NBAS: variants seen among roughly 807,000 people sequenced by gnomAD.
The protein encoded by NBAS is NAG/BC035112 fusion.
NBAS carries 219 observed loss-of-function variants against 302.5 expected under a neutral mutation model. That is an observed-to-expected ratio of 0.72 (90% confidence interval 0.65 to 0.81). NBAS has a LOEUF of 0.81. NBAS is among the 30% of genes least tolerant of loss of function. The pLI is 0.00. For synonymous variants in NBAS, 1,118 were observed against 1,021.6 expected (o/e 1.09, Z -1.80); for missense variants, 2,932 against 2,841.6 (o/e 1.03, Z -0.72).
chr2:15,467,509 G>C, intron 18 of NBAS, 102 bp from the exon 19 acceptor site: 1 of 1,308,926 alleles, frequency 7.6e-7, no homozygotes, highest in Non-Finnish European at 1.1e-6. Context: ...CAAAACTCAT[G>C]AAACAGTTCA....
At chr2:14,911,350 G>C in the NBAS span, among the ~76,000 whole-genome samples, 3 of 152,198 alleles carry the variant, frequency 2.0e-5, no homozygotes, top group Non-Finnish European at 4.4e-5. Flanking sequence ...TCCCCTATGA[G>C]ACTGGAGAGT....
chr2:14,988,444 A>C, the NBAS span, among the ~76,000 whole-genome samples: 1 of 152,228 alleles, frequency 6.6e-6, no homozygotes, highest in South Asian at 2.1e-4. Flanking sequence ...TCTACTTTTC[A>C]AAATGGTTTA....
At chr2:15,214,278 A>G (rs1666554168) in intron 48 of NBAS, among the ~76,000 whole-genome samples, 1 of 151,428 alleles carries the variant, frequency 6.6e-6, no homozygotes, top group African/African-American at 2.4e-5. Flanking sequence ...ATGGAAGAAG[A>G]AAGAGTTCAT....
chr2:14,792,676 A>T, the NBAS span, among the ~76,000 whole-genome samples: 48 of 130,620 alleles, frequency 3.7e-4, no homozygotes, highest in African/African-American at 1.2e-3. Flanking sequence ...TATGGAAATT[A>T]AAAAAAAAAA....
At chr2:15,442,907 A>C (rs1240626048) in intron 21 of NBAS, among the ~76,000 whole-genome samples, 2 of 152,198 alleles carry the variant, frequency 1.3e-5, no homozygotes, top group South Asian at 4.1e-4. Context: ...ATCTAGAAGA[A>C]ATGGATAAAT....
At chr2:14,988,997 T>TA in the NBAS span, among the ~76,000 whole-genome samples, 1 of 152,066 alleles carries the variant, frequency 6.6e-6, no homozygotes, top group Non-Finnish European at 1.5e-5. Flanking sequence ...AACAATCAAG[T>TA]AAAATCAGAA....
chr2:14,790,005 C>T, the NBAS span, among the ~76,000 whole-genome samples: 1 of 152,184 alleles, frequency 6.6e-6, no homozygotes, highest in Non-Finnish European at 1.5e-5. Context: ...ATTTATTGAG[C>T]TATTACTATT....
intron 26 of NBAS, among the ~76,000 whole-genome samples, 178 bp downstream of exon 26, chr2:15,401,990 T>C (rs1004322712): frequency 6.6e-6 from 1 of 152,120 alleles, no homozygotes; most frequent in Non-Finnish European, 1.5e-5. Flanking sequence ...TTCCCATATA[T>C]TGGTAGGACA....
At chr2:15,459,496 A>ATTTTT (rs576706526) in intron 21 of NBAS, among the ~76,000 whole-genome samples, 1 of 73,412 alleles carries the variant, frequency 1.4e-5, no homozygotes, top group Non-Finnish European at 3.2e-5. Flanking sequence ...CATCCTGAGC[A>ATTTTT]TTTTTTCTTT....
At chr2:14,874,872 C>A in the NBAS span, among the ~76,000 whole-genome samples, 1 of 152,002 alleles carries the variant, frequency 6.6e-6, no homozygotes, top group African/African-American at 2.4e-5. Flanking sequence ...TAATATCATT[C>A]ACTCTACTAA....
At chr2:15,106,523 G>A in the NBAS span, among the ~76,000 whole-genome samples, 990 of 150,834 alleles carry the variant, frequency 6.6e-3, 10 homozygotes, top group African/African-American at 0.023. Context: ...GGAGTTACCT[G>A]TCAAAGTTGT....
chr2:15,551,529 T>C lies in NBAS; in HGVS notation c.343A>G (p.Lys115Glu), dbSNP rs760366079. ...CCAATAATGGATGTAAAATCATCTT[T>C]TGCAGACCTGTAAAACATGCAAAAT... ...QDQCVEIRSA[K>E]DDFTSIIGKC... The change falls in exon 6 of 52, where the codon AAA becomes GAA. Residue 115 changes from lysine to glutamate, a missense_variant. Coordinates refer to ENST00000281513, the MANE Select transcript of NBAS (RefSeq NM_015909.4). The C allele has an allele frequency of 2.5e-5, 40 of 1,609,194 alleles. 1 individual carries two copies. The South Asian group carries it at 4.4e-4, about 18-fold the overall frequency.
chr2:15,194,665 T>C (rs190976806), intron 48 of NBAS, among the ~76,000 whole-genome samples: 1 of 152,156 alleles, frequency 6.6e-6, no homozygotes. Context: ...CTTTTCCACA[T>C]ACATGTTCTA....
chr2:15,083,389 A>T, the NBAS span, among the ~76,000 whole-genome samples: 2 of 152,332 alleles, frequency 1.3e-5, no homozygotes, highest in African/African-American at 4.8e-5. Context: ...AATGCTTTTA[A>T]AATAAAACTT....
intron 9 of NBAS, among the ~76,000 whole-genome samples, chr2:15,517,103 C>CA (rs981115503): frequency 2.8e-4 from 40 of 142,352 alleles, no homozygotes; most frequent in East Asian, 4.0e-4. Context: ...ATCTTTTGGC[C>CA]AAAAAAAAAA....
intron 42 of NBAS, among the ~76,000 whole-genome samples, chr2:15,282,848 G>GTTTACTCAAAACTTGGTGT (rs1669884505): frequency 6.6e-6 from 1 of 152,134 alleles, no homozygotes; most frequent in South Asian, 2.1e-4. Context: ...TCTTCCTTTA[G>GTTTACTCAAAACTTGGTGT]TTACTCAAAA....
the NBAS span, among the ~76,000 whole-genome samples, chr2:15,097,949 G>T: frequency 2.0e-5 from 2 of 101,518 alleles, no homozygotes; most frequent in African/African-American, 3.8e-5. Flanking sequence ...ATATTATATT[G>T]TATATAATAT....
chr2:14,923,139 G>A, the NBAS span, among the ~76,000 whole-genome samples: 4,817 of 152,172 alleles, frequency 0.032, 218 homozygotes, highest in African/African-American at 0.11. Flanking sequence ...GTGACAGAGC[G>A]AAACTCTGTC....
chr2:15,185,576 C>T lies in NBAS; in HGVS notation c.6711+1166G>A, dbSNP rs572091729. On this transcript the variant is annotated intron_variant, in intron 50 of 51. Coordinates refer to ENST00000281513, the MANE Select transcript of NBAS (RefSeq NM_015909.4). Reference sequence around the variant, plus strand: ...CAGACATGATATAGCCATGGTTCCCCCTCTCCAGGAGCCCACAATATAGCA... The same window carrying T: ...CAGACATGATATAGCCATGGTTCCCTCTCTCCAGGAGCCCACAATATAGCA... Among the ~76,000 whole-genome samples, 3 of 152,210 alleles carry T rather than the reference C, an allele frequency of 2.0e-5. No individual in the cohort carries two copies. The South Asian group carries it at 6.2e-4, about 32-fold the overall frequency.
Sources: allele counts gnomAD v4.1 joint callset (sites outside exome capture counted in the v4.1 genomes callset), GRCh38; gene constraint gnomAD v4.1.1; transcripts MANE v1.5; gene names NCBI Gene and HGNC (gene_info 2026-07-23, HGNC 2026-07-21).